Variants in NAV3 observed in about 807,000 individuals in gnomAD.
NAV3 encodes neuron navigator 3, also known as pore membrane and/or filament interacting like protein 1.
Under a neutral mutation model 244.7 loss-of-function variants are expected in NAV3, and 87 were observed. The ratio of observed to expected loss-of-function variants is 0.36; its 90% CI spans 0.30 to 0.42. NAV3 has a LOEUF of 0.42. NAV3 is among the 20% of genes least tolerant of loss of function. The pLI, the probability that NAV3 is intolerant of heterozygous loss-of-function variation, is 1.00. For missense variants in NAV3, 2,663 were observed against 2,893.3 expected (o/e 0.92, Z 1.83); for synonymous variants, 1,126 against 1,042.2 (o/e 1.08, Z -1.55).
At chr12:77,855,413 T>C (rs1010668131) in intron 1 of NAV3, among the ~76,000 whole-genome samples, 1 of 152,220 alleles carries the variant, frequency 6.6e-6, no homozygotes, top group African/African-American at 2.4e-5. Context: ...TGACAGAATC[T>C]ATTCTTAGTG....
At chr12:78,130,590 A>G (rs1291292959) in intron 18 of NAV3, 4 of 175,460 alleles carry the variant, frequency 2.3e-5, no homozygotes, top group Non-Finnish European at 5.1e-5. Flanking sequence ...GTCTTTGTAG[A>G]TCATAGAACT....
chr12:77,647,737 T>G (rs1193777549), intron 2 of NAV3, among the ~76,000 whole-genome samples: 1 of 152,118 alleles, frequency 6.6e-6, no homozygotes. Context: ...GTATTATAGA[T>G]GTACCATTTT....
chr12:78,073,498 T>G (rs1952887300), intron 12 of NAV3, among the ~76,000 whole-genome samples: 1 of 152,224 alleles, frequency 6.6e-6, no homozygotes, highest in Admixed American at 6.5e-5. Flanking sequence ...GAAGGACCTC[T>G]TCAAGGAGAA....
rs1044365499 is a variant in NAV3 at position 77,831,056 on chromosome 12, T to G, written c.-406T>G. The stretch of plus-strand genomic sequence containing the variant: ...AAAAAATAAGCAAAACTAAGAGCTC[T>G]TTAATCCTAAGAAGGAGCTTTGTAG... On this transcript the variant is annotated 5_prime_UTR_variant, in exon 1 of 40. Coordinates refer to ENST00000397909, the MANE Select transcript of NAV3 (RefSeq NM_001024383.2). The G allele has an allele frequency of 4.3e-4, 66 of 154,018 alleles. No individual in the cohort carries two copies. Among genetic ancestry groups the G allele is most frequent in the African/African-American group, 1.6e-3 (65 of 41,598 alleles). The allele number at this position is 154,018 out of a possible 1,614,324, so 9.5% of individuals were successfully genotyped here.
chr12:77,805,523 G>T (rs1381653988), intron 2 of NAV3, among the ~76,000 whole-genome samples: 1 of 152,196 alleles, frequency 6.6e-6, no homozygotes, highest in Non-Finnish European at 1.5e-5. Flanking sequence ...AAACCGACTT[G>T]ATCGTGGTGA....
chr12:77,779,010 A>G (rs934612382), intron 2 of NAV3, among the ~76,000 whole-genome samples: 4 of 152,250 alleles, frequency 2.6e-5, no homozygotes, highest in Non-Finnish European at 5.9e-5. Flanking sequence ...TTGAAAATAT[A>G]AATTTAAAAA....
In NAV3 at chr12:78,094,683, A is replaced by G. The variant is rs1433861405; in HGVS notation, c.2637-22089A>G. Among the ~76,000 whole-genome samples, 3 of 152,280 alleles carry G rather than the reference A, an allele frequency of 2.0e-5. No homozygotes were observed. The East Asian group carries it at 5.8e-4, about 29-fold the overall frequency. On this transcript the variant is annotated intron_variant, in intron 12 of 39. Transcript: ENST00000397909. ...TTGAGGAAACGGTGAAGATATTTTT[A>G]ATTACCGGGTTATAAATCCAAAACA... is the stretch of plus-strand genomic sequence containing the variant.
chr12:78,150,672 TAC>T (rs796186847), intron 22 of NAV3, among the ~76,000 whole-genome samples: 13 of 93,332 alleles, frequency 1.4e-4, no homozygotes, highest in African/African-American at 5.1e-4. Context: ...CACACACACA[TAC>T]ACACACATAC....
rs5799344 is a variant in NAV3, at chr12:77,762,723, TTTGTTGTTGTTGTTG to T, written c.73-177575_73-177561del. On this transcript the variant is annotated intron_variant, in intron 2 of 8. Coordinates refer to the NAV3 transcript ENST00000550042. ...ATTTCCACCCAGGCTTCATGGGTTT[TTTGTTGTTGTTGTTG>T]TTGTTGTTGTTGTTGTTGTTAAATG... Among the ~76,000 whole-genome samples, 731 of 150,830 alleles carry T rather than the reference TTTGTTGTTGTTGTTG, an allele frequency of 4.8e-3. 8 individuals carry two copies. Among genetic ancestry groups the T allele is most frequent in the Middle Eastern group, 0.017 (5 of 294 alleles).
chr12:78,131,221 A>G (rs1344066325), intron 18 of NAV3, among the ~76,000 whole-genome samples: 2 of 152,248 alleles, frequency 1.3e-5, no homozygotes, highest in East Asian at 3.9e-4. Context: ...TTCTATTGCA[A>G]CCCTTCCCAC....
intron 2 of NAV3, among the ~76,000 whole-genome samples, chr12:77,596,840 G>A (rs1386742917): frequency 6.6e-6 from 1 of 152,042 alleles, no homozygotes; most frequent in Admixed American, 6.6e-5. Context: ...CCTGAACTGG[G>A]TTGGCATTTT....
At chr12:77,644,430 A>C (rs993438542) in intron 2 of NAV3, among the ~76,000 whole-genome samples, 2 of 152,094 alleles carry the variant, frequency 1.3e-5, no homozygotes, top group African/African-American at 4.8e-5. Flanking sequence ...TATCCAGAGG[A>C]GGAGCAAACA....
In NAV3 at chr12:77,989,088, T is replaced by G. The variant is rs368161134; in HGVS notation, c.672-5715T>G. Among the ~76,000 whole-genome samples the G allele has an allele frequency of 4.6e-5, 7 of 152,230 alleles. No individual in the cohort carries two copies. In the East Asian group the frequency reaches 1.4e-3, roughly 30 times the overall value. ...AGTAGAGGCATATTGAACCACAAGA[T>G]TTGATATTTCTGTCCTCCCTCTATT... On this transcript the variant is annotated intron_variant, in intron 5 of 39. Transcript: ENST00000397909.
intron 7 of NAV3, among the ~76,000 whole-genome samples, chr12:78,004,492 T>C (rs186809267): frequency 5.0e-4 from 76 of 152,354 alleles, no homozygotes; most frequent in South Asian, 4.6e-3. Flanking sequence ...TAGAAATCTG[T>C]TATTTTCCCC....
chr12:78,050,719 C>T lies in NAV3; in HGVS notation c.2133-45C>T, dbSNP rs1387540167. 7.8e-6 allele frequency: 12 copies of T among 1,541,382 alleles called. No homozygotes were observed. In the African/African-American group the frequency reaches 1.5e-4, roughly 19 times the overall value. On this transcript the variant is annotated intron_variant, in intron 10 of 39. Transcript: ENST00000397909. ...GTCTTCATGCATTCTAGATTATGGC[C>T]CTAAGTGAACCAGAGTATAGTTATT...
intron 29 of NAV3, among the ~76,000 whole-genome samples, chr12:78,180,225 T>A (rs898592906): frequency 2.6e-5 from 4 of 152,146 alleles, no homozygotes; most frequent in African/African-American, 9.6e-5. Flanking sequence ...GTGCTCAGAC[T>A]AAGTTTTCAT....
In NAV3 at chr12:77,908,038, A is replaced by G. The variant is rs552492692; in HGVS notation, c.244-32281A>G. Among the ~76,000 whole-genome samples the G allele has an allele frequency of 5.3e-4, 80 of 152,128 alleles. 1 individual carries two copies. The South Asian group carries it at 0.017, about 32-fold the overall frequency. On this transcript the variant is annotated intron_variant, in intron 1 of 39. Coordinates refer to ENST00000397909, the MANE Select transcript of NAV3 (RefSeq NM_001024383.2). ...TAATATTTTTGAAAGCTGGAACTAA[A>G]CCACTCCCATGTAGATACTATAGAG...
At chr12:78,151,435 G>A (rs1217821774) in intron 22 of NAV3, among the ~76,000 whole-genome samples, 1 of 151,890 alleles carries the variant, frequency 6.6e-6, no homozygotes, top group Admixed American at 6.6e-5. Context: ...CTATATCATG[G>A]ACTACTACTC....
At chr12:78,099,508 C>G (rs1241935893) in intron 12 of NAV3, among the ~76,000 whole-genome samples, 1 of 151,670 alleles carries the variant, frequency 6.6e-6, no homozygotes, top group Non-Finnish European at 1.5e-5. Context: ...CAGTCTTCCA[C>G]AGTGAGCATA....
Sources: allele counts gnomAD v4.1 joint callset (sites outside exome capture counted in the v4.1 genomes callset), GRCh38; gene constraint gnomAD v4.1.1; transcripts MANE v1.5; gene names NCBI Gene and HGNC (gene_info 2026-07-23, HGNC 2026-07-21).